Variants in PTPRQ observed in about 807,000 individuals in gnomAD.
PTPRQ encodes phosphatidylinositol phosphatase PTPRQ.
PTPRQ carries 199 observed loss-of-function variants against 246.0 expected under a neutral mutation model. That is an observed-to-expected ratio of 0.81 (90% confidence interval 0.72 to 0.91). PTPRQ has a LOEUF of 0.91. PTPRQ is among the 40% of genes least tolerant of loss of function. PTPRQ has a pLI of 0.00. For missense variants in PTPRQ, 2,624 were observed against 2,528.4 expected, an observed-to-expected ratio of 1.04 and a Z score of -0.81; for synonymous variants, 869 against 853.2, an observed-to-expected ratio of 1.02 and a Z score of -0.32.
chr12:80,592,046 A>T (rs1388680773), intron 26 of PTPRQ, among the ~76,000 whole-genome samples: 3 of 152,210 alleles, frequency 2.0e-5, no homozygotes, highest in African/African-American at 7.2e-5. Context: ...AAGTCTTTCC[A>T]CTTGAATATC....
intron 3 of PTPRQ, among the ~76,000 whole-genome samples, chr12:80,449,648 C>T (rs957606907): frequency 2.0e-5 from 3 of 151,926 alleles, no homozygotes; most frequent in African/African-American, 7.3e-5. Flanking sequence ...TTCCCCATTG[C>T]TTGTTTTTCT....
At chr12:80,512,462 C>A (rs1941253885) in intron 17 of PTPRQ, among the ~76,000 whole-genome samples, 1 of 152,114 alleles carries the variant, frequency 6.6e-6, no homozygotes, top group Non-Finnish European at 1.5e-5. Flanking sequence ...TTAGCTATAA[C>A]TTTAGTTGTC....
At chr12:80,677,612 G>A (rs527770902) in intron 43 of PTPRQ, among the ~76,000 whole-genome samples, 34 of 152,256 alleles carry the variant, frequency 2.2e-4, no homozygotes, top group African/African-American at 7.9e-4. Context: ...TAAAACTGAC[G>A]TTCCAGTAAT....
intron 39 of PTPRQ, among the ~76,000 whole-genome samples, chr12:80,665,190 G>C (rs1309869560): frequency 6.6e-6 from 1 of 152,016 alleles, no homozygotes; most frequent in Non-Finnish European, 1.5e-5. Context: ...AAAAGCTGAA[G>C]TACGTGGAGT....
chr12:80,659,899 T>C (rs1900572708), intron 39 of PTPRQ, among the ~76,000 whole-genome samples: 1 of 151,986 alleles, frequency 6.6e-6, no homozygotes, highest in Non-Finnish European at 1.5e-5. Context: ...GGGCTGGCAG[T>C]GTACTGTAGC....
intron 35 of PTPRQ, among the ~76,000 whole-genome samples, chr12:80,647,843 T>C (rs575461099): frequency 6.6e-6 from 1 of 152,222 alleles, no homozygotes; most frequent in South Asian, 2.1e-4. Context: ...TCTATCACTT[T>C]ATGTTTACCC....
chr12:80,649,500 A>G, intron 36 of PTPRQ, 88 bp from the exon 37 acceptor site: 1 of 1,460,132 alleles, frequency 6.8e-7, no homozygotes, highest in Non-Finnish European at 9.1e-7. Flanking sequence ...ATTGTTCTTT[A>G]ACTTGTTAAA....
intron 13 of PTPRQ, 48 bp downstream of exon 13, chr12:80,496,154 A>C: frequency 6.5e-7 from 1 of 1,544,536 alleles, no homozygotes; most frequent in Non-Finnish European, 8.7e-7. Flanking sequence ...AGTGGTTGTA[A>C]ATGCTCACTG....
chr12:80,644,612 A>C (rs976115073), intron 35 of PTPRQ, among the ~76,000 whole-genome samples: 1 of 152,104 alleles, frequency 6.6e-6, no homozygotes, highest in Non-Finnish European at 1.5e-5. Context: ...GTGAGTTTCT[A>C]GTGCTTATTT....
intron 7 of PTPRQ, among the ~76,000 whole-genome samples, chr12:80,471,276 G>C (rs997868514): frequency 1.3e-5 from 2 of 151,914 alleles, no homozygotes; most frequent in African/African-American, 4.8e-5. Flanking sequence ...CACCATTTGG[G>C]GTGGCTGCAG....
chr12:80,604,389 C>T (rs144546723), intron 26 of PTPRQ, among the ~76,000 whole-genome samples: 23 of 151,538 alleles, frequency 1.5e-4, no homozygotes, highest in Middle Eastern at 6.8e-3. Flanking sequence ...TAAACAGAAA[C>T]ATTTTTAAGA....
In PTPRQ at chr12:80,493,492, A is replaced by G. The variant is rs1935984910; in HGVS notation, c.1540+37A>G. The G allele has an allele frequency of 2.6e-6, 4 of 1,535,214 alleles. No homozygotes were observed. In the Admixed American group the frequency reaches 8.0e-5, roughly 31 times the overall value. ...TTTGATTTTCTATAAAGTTCATTTA[A>G]ACCACCAGTGCTAGCTAGCACAGAA... is the stretch of plus-strand genomic sequence containing the variant. On this transcript the variant is annotated intron_variant, in intron 10 of 44. Coordinates refer to ENST00000644991, the MANE Select transcript of PTPRQ (RefSeq NM_001145026.2).
At chr12:80,572,657 TA>T (rs1472710552) in intron 25 of PTPRQ, among the ~76,000 whole-genome samples, 1 of 152,198 alleles carries the variant, frequency 6.6e-6, no homozygotes, top group Non-Finnish European at 1.5e-5. Context: ...TTTCTGTAGA[TA>T]CCCCTTATTA....
At chr12:80,557,926 A>C (rs1235260077) in intron 25 of PTPRQ, among the ~76,000 whole-genome samples, 2 of 151,810 alleles carry the variant, frequency 1.3e-5, no homozygotes, top group African/African-American at 4.8e-5. Flanking sequence ...ATTTTCTATA[A>C]TTTTTTCATT....
At chr12:80,593,037 T>A (rs1320642814) in intron 26 of PTPRQ, among the ~76,000 whole-genome samples, 1 of 152,068 alleles carries the variant, frequency 6.6e-6, no homozygotes, top group Non-Finnish European at 1.5e-5. Flanking sequence ...TGCAATATGT[T>A]GTTTCATGAT....
At chr12:80,473,153 T>A (rs904663613) in intron 8 of PTPRQ, among the ~76,000 whole-genome samples, 1 of 152,146 alleles carries the variant, frequency 6.6e-6, no homozygotes, top group African/African-American at 2.4e-5. Context: ...TTCTCCCCTT[T>A]AAAGAAACAA....
At chr12:80,560,863 T>A (rs1449999716) in intron 25 of PTPRQ, among the ~76,000 whole-genome samples, 1 of 152,232 alleles carries the variant, frequency 6.6e-6, no homozygotes. Context: ...TTAAGGGCTT[T>A]CAAGTTATGT....
chr12:80,638,786 A>G (rs372121126), intron 35 of PTPRQ, among the ~76,000 whole-genome samples: 2 of 152,244 alleles, frequency 1.3e-5, no homozygotes, highest in East Asian at 1.9e-4. Flanking sequence ...ATTCAAGGAT[A>G]TACTAAAATA....
intron 35 of PTPRQ, among the ~76,000 whole-genome samples, chr12:80,642,140 A>G (rs894366139): frequency 1.3e-5 from 2 of 152,164 alleles, no homozygotes; most frequent in Non-Finnish European, 2.9e-5. Context: ...ACACCTCTAC[A>G]TACGTCATAC....
Sources: gnomAD v4.1 joint callset for allele counts (sites outside exome capture counted in the v4.1 genomes callset) on GRCh38, gnomAD v4.1.1 for gene constraint, MANE v1.5 for transcripts, NCBI Gene and HGNC (gene_info 2026-07-23, HGNC 2026-07-21) for gene names.